NTM: variants seen among roughly 807,000 people sequenced by gnomAD.
The protein encoded by NTM is IgLON family member 2.
Under a neutral mutation model 42.1 loss-of-function variants are expected in NTM, and 13 were observed. The observed-to-expected ratio is 0.31, with a 90% CI of 0.20 to 0.49. The LOEUF (loss-of-function observed/expected upper bound fraction) is 0.49, where lower values mean the gene tolerates loss of function less well. Among genes scored for constraint, NTM ranks in the 20% least tolerant of loss-of-function variants. NTM has a pLI of 0.99. For missense variants in NTM, 373 were observed against 452.8 expected (o/e 0.82, Z 1.60); for synonymous variants, 187 against 179.2 (o/e 1.04, Z -0.35).
intron 1 of NTM, among the ~76,000 whole-genome samples, chr11:131,755,488 A>G (rs1010243122): frequency 6.6e-6 from 1 of 152,198 alleles, no homozygotes. Context: ...GCTAAATTCT[A>G]ATTTCTGAAT....
At chr11:132,119,955 T>A (rs1308792969) in intron 2 of NTM, among the ~76,000 whole-genome samples, 1 of 152,182 alleles carries the variant, frequency 6.6e-6, no homozygotes, top group Non-Finnish European at 1.5e-5. Context: ...AAAGAGTATA[T>A]GTTCTGGTGT....
chr11:131,440,726 T>C (rs946984797), intron 1 of NTM, among the ~76,000 whole-genome samples: 3 of 148,260 alleles, frequency 2.0e-5, no homozygotes, highest in African/African-American at 2.5e-5. Context: ...GCTCTCAGGT[T>C]CCACAGATGA....
At chr11:131,457,403 G>A (rs1210596803) in intron 1 of NTM, among the ~76,000 whole-genome samples, 3 of 151,880 alleles carry the variant, frequency 2.0e-5, no homozygotes, top group African/African-American at 4.9e-5. Flanking sequence ...AGAGGGGTGG[G>A]GGAAGGGAGG....
At chr11:132,184,169 A>G (rs537604141) in intron 3 of NTM, among the ~76,000 whole-genome samples, 2 of 152,286 alleles carry the variant, frequency 1.3e-5, no homozygotes, top group South Asian at 4.1e-4. Flanking sequence ...TTCCTGTTCC[A>G]TATGCTGTGT....
chr11:132,042,807 C>A (rs2077379738), intron 2 of NTM, among the ~76,000 whole-genome samples: 1 of 152,186 alleles, frequency 6.6e-6, no homozygotes, highest in Admixed American at 6.5e-5. Context: ...ATTATTTATG[C>A]AACATCTGCT....
At chr11:131,631,221 A>C (rs181023163) in intron 1 of NTM, among the ~76,000 whole-genome samples, 1 of 152,340 alleles carries the variant, frequency 6.6e-6, no homozygotes, top group African/African-American at 2.4e-5. Flanking sequence ...TGTTGTGAAG[A>C]GTTTATGGGA....
intron 3 of NTM, among the ~76,000 whole-genome samples, chr11:132,158,714 C>G (rs563260434): frequency 3.9e-5 from 6 of 152,170 alleles, no homozygotes; most frequent in African/African-American, 1.2e-4. Flanking sequence ...TTTGGTCAGG[C>G]GTGAGAGCAT....
chr11:131,452,266 C>T (rs1339679983), intron 1 of NTM, among the ~76,000 whole-genome samples: 2 of 152,250 alleles, frequency 1.3e-5, no homozygotes, highest in African/African-American at 4.8e-5. Flanking sequence ...CGTGGCCTCC[C>T]GGCTGCAGGC....
chr11:131,662,095 C>T lies in NTM; in HGVS notation c.83-249469C>T, dbSNP rs568926256. The T allele has an allele frequency of 7.2e-5, 11 of 152,260 alleles. No homozygotes were observed. In the South Asian group the frequency reaches 1.2e-3, roughly 17 times the overall value. 9.4% of individuals were successfully genotyped at this position (152,260 alleles called of 1,614,324 possible). ...AAACACGAGAGAAATCTATAGGCTT[C>T]GGAAATCTTTGAAAGAGACAAAAAT... On this transcript the variant is annotated intron_variant, in intron 1 of 8. Coordinates refer to ENST00000683400, the MANE Select transcript of NTM (RefSeq NM_001352005.2).
At chr11:131,472,849 G>A (rs1952571292) in intron 1 of NTM, among the ~76,000 whole-genome samples, 3 of 152,022 alleles carry the variant, frequency 2.0e-5, no homozygotes, top group African/African-American at 7.2e-5. Context: ...GTCTGACTCC[G>A]AAGCCCACAT....
At chr11:131,621,725 G>A (rs1181046519) in intron 1 of NTM, among the ~76,000 whole-genome samples, 1 of 151,540 alleles carries the variant, frequency 6.6e-6, no homozygotes, top group Non-Finnish European at 1.5e-5. Flanking sequence ...AAGAGGCTGA[G>A]GTGGAATGAT....
intron 1 of NTM, among the ~76,000 whole-genome samples, chr11:131,586,599 G>A (rs1275551658): frequency 2.6e-5 from 4 of 152,278 alleles, no homozygotes; most frequent in Admixed American, 6.5e-5. Flanking sequence ...GTAACCTTAG[G>A]AGGAACCCTG....
At chr11:132,117,828 G>A (rs1468921191) in intron 2 of NTM, among the ~76,000 whole-genome samples, 4 of 152,136 alleles carry the variant, frequency 2.6e-5, no homozygotes, top group Admixed American at 6.5e-5. Flanking sequence ...GAATAAATGA[G>A]CATTGTACAG....
intron 1 of NTM, among the ~76,000 whole-genome samples, chr11:131,871,698 G>T (rs567674217): frequency 1.1e-4 from 17 of 152,124 alleles, no homozygotes; most frequent in Admixed American, 3.9e-4. Context: ...GCACCTGTTA[G>T]CTGCTCCTCT....
intron 2 of NTM, among the ~76,000 whole-genome samples, chr11:132,102,495 C>T (rs1414508164): frequency 1.3e-5 from 2 of 152,116 alleles, no homozygotes; most frequent in Admixed American, 6.5e-5. Context: ...CGAACAAAAG[C>T]GAGGTGGATC....
chr11:132,328,478 G>GT (rs1555102514), intron 7 of NTM, among the ~76,000 whole-genome samples: 4,039 of 151,044 alleles, frequency 0.027, 170 homozygotes, highest in African/African-American at 0.093. Context: ...TTAAGCTGAG[G>GT]TTTTTTTGGG....
At chr11:132,144,439 C>T (rs2069889048) in intron 2 of NTM, among the ~76,000 whole-genome samples, 1 of 152,184 alleles carries the variant, frequency 6.6e-6, no homozygotes, top group African/African-American at 2.4e-5. Flanking sequence ...AGGCTGTGTT[C>T]TCACCACCTT....
rs573899048 is a variant in NTM at position 131,496,749 on chromosome 11, G to A, written c.82+125861G>A. 2.6e-5 allele frequency among the ~76,000 whole-genome samples: 4 copies of A among 152,298 alleles called. No homozygotes were observed. In the South Asian group the frequency reaches 8.3e-4, roughly 32 times the overall value. On this transcript the variant is annotated intron_variant, in intron 1 of 8. Transcript: ENST00000683400. The stretch of plus-strand genomic sequence containing the variant: ...GACATGAATCCCAAATGGGTGTGTG[G>A]CTGCCAGGCATGCTGGCCCAGACAG...
chr11:131,630,101 A>G (rs183984485), intron 1 of NTM, among the ~76,000 whole-genome samples: 2 of 152,240 alleles, frequency 1.3e-5, no homozygotes, highest in Admixed American at 6.5e-5. Context: ...AAGCTCCCAC[A>G]CAACCCTCCT....
Sources: gnomAD v4.1 joint callset for allele counts (sites outside exome capture counted in the v4.1 genomes callset) on GRCh38, gnomAD v4.1.1 for gene constraint, MANE v1.5 for transcripts, NCBI Gene and HGNC (gene_info 2026-07-23, HGNC 2026-07-21) for gene names.